Variants in GRID2 observed in about 807,000 individuals in gnomAD.
GRID2 encodes glutamate receptor ionotropic, delta-2.
In GRID2, 33 loss-of-function variants were observed where a neutral mutation model predicts 114.8. That is an observed-to-expected ratio of 0.29 (90% CI 0.22 to 0.38). GRID2 has a LOEUF of 0.38. Among genes scored for constraint, GRID2 ranks in the 10% least tolerant of loss-of-function variants. GRID2 has a pLI of 1.00. For synonymous variants in GRID2, 505 were observed against 449.9 expected (o/e 1.12, Z -1.55); for missense variants, 1,184 against 1,257.7 (o/e 0.94, Z 0.89).
chr4:93,360,030 G>A (rs185659120), intron 8 of GRID2, among the ~76,000 whole-genome samples: 16 of 151,262 alleles, frequency 1.1e-4, no homozygotes, highest in African/African-American at 2.7e-4. Context: ...GTCTTGACAC[G>A]TAAATCTTCT....
chr4:92,588,805 A>G (rs1728578992), intron 1 of GRID2, among the ~76,000 whole-genome samples: 1 of 152,042 alleles, frequency 6.6e-6, no homozygotes, highest in Admixed American at 6.6e-5. Context: ...CCATGCCAAT[A>G]TAAAAGAGCA....
At chr4:93,474,987 A>G (rs573200932) in intron 11 of GRID2, among the ~76,000 whole-genome samples, 22 of 152,170 alleles carry the variant, frequency 1.4e-4, no homozygotes, top group Admixed American at 6.6e-4. Context: ...CCTGAGTTTA[A>G]TAAGTTTTTT....
chr4:93,707,777 A>G (rs1339929118), intron 14 of GRID2, among the ~76,000 whole-genome samples: 1 of 151,356 alleles, frequency 6.6e-6, no homozygotes, highest in African/African-American at 2.4e-5. Context: ...AAGGTATATC[A>G]TTAGGTTATT....
At chr4:93,415,862 G>T (rs1767650825) in intron 9 of GRID2, among the ~76,000 whole-genome samples, 1 of 151,862 alleles carries the variant, frequency 6.6e-6, no homozygotes, top group African/African-American at 2.4e-5. Context: ...TGATATATAA[G>T]ATAATATAGA....
At chr4:93,660,370 G>C (rs1002341846) in intron 14 of GRID2, among the ~76,000 whole-genome samples, 1 of 152,096 alleles carries the variant, frequency 6.6e-6, no homozygotes, top group Non-Finnish European at 1.5e-5. Context: ...GGTGCTTGAA[G>C]TCAGAAAAAG....
At chr4:93,076,512 A>G (rs907346038) in intron 2 of GRID2, among the ~76,000 whole-genome samples, 2 of 151,952 alleles carry the variant, frequency 1.3e-5, no homozygotes, top group Admixed American at 1.3e-4. Context: ...TAATGTTAAC[A>G]TCTTATATAA....
chr4:93,266,159 C>A (rs1411770710), intron 8 of GRID2, among the ~76,000 whole-genome samples: 1 of 152,126 alleles, frequency 6.6e-6, no homozygotes, highest in Non-Finnish European at 1.5e-5. Context: ...TCAGAGAAAA[C>A]CCATGAGAGA....
chr4:93,558,288 G>T (rs1383991227), intron 13 of GRID2, among the ~76,000 whole-genome samples: 2 of 152,048 alleles, frequency 1.3e-5, no homozygotes, highest in African/African-American at 2.4e-5. Flanking sequence ...AAAAATCAAT[G>T]AATCCAGGAG....
At chr4:92,713,177 T>G (rs999147312) in intron 2 of GRID2, among the ~76,000 whole-genome samples, 1 of 150,536 alleles carries the variant, frequency 6.6e-6, no homozygotes, top group Non-Finnish European at 1.5e-5. Flanking sequence ...CCCCGGTATG[T>G]GATGTTCATA....
chr4:93,024,832 A>T (rs1723736997), intron 2 of GRID2, among the ~76,000 whole-genome samples: 1 of 151,796 alleles, frequency 6.6e-6, no homozygotes, highest in Non-Finnish European at 1.5e-5. Context: ...TTACATTAAC[A>T]TGGCATTATT....
intron 9 of GRID2, among the ~76,000 whole-genome samples, chr4:93,402,712 A>T (rs1766016686): frequency 6.6e-6 from 1 of 152,158 alleles, no homozygotes. Context: ...CCTACCACCG[A>T]AAACAAAAGC....
At chr4:92,626,132 G>C (rs1730509510) in intron 2 of GRID2, among the ~76,000 whole-genome samples, 1 of 151,888 alleles carries the variant, frequency 6.6e-6, no homozygotes, top group African/African-American at 2.4e-5. Context: ...ACTCATTTAA[G>C]TCCAACACCA....
At chr4:93,229,953 C>A (rs1009812757) in intron 7 of GRID2, among the ~76,000 whole-genome samples, 2 of 151,930 alleles carry the variant, frequency 1.3e-5, no homozygotes, top group Non-Finnish European at 2.9e-5. Context: ...AGCCCTGTGC[C>A]ATTGTTATTT....
At chr4:92,813,937 A>T (rs570642215) in intron 2 of GRID2, among the ~76,000 whole-genome samples, 26 of 152,220 alleles carry the variant, frequency 1.7e-4, no homozygotes, top group African/African-American at 5.8e-4. Context: ...TTACCCTGCC[A>T]GTTCTCTGTT....
intron 2 of GRID2, among the ~76,000 whole-genome samples, chr4:93,041,660 G>A (rs1361193094): frequency 6.6e-6 from 1 of 152,044 alleles, no homozygotes; most frequent in African/African-American, 2.4e-5. Flanking sequence ...AATATGAATG[G>A]CAAAAGACTA....
intron 1 of GRID2, among the ~76,000 whole-genome samples, chr4:93,803,253 G>A (rs1199132044): frequency 6.6e-6 from 1 of 152,144 alleles, no homozygotes; most frequent in Non-Finnish European, 1.5e-5. Flanking sequence ...ACTGTGACAT[G>A]TCAGTAATTA....
intron 2 of GRID2, among the ~76,000 whole-genome samples, chr4:92,855,483 T>G (rs537860246): frequency 2.0e-5 from 3 of 151,988 alleles, no homozygotes; most frequent in Non-Finnish European, 4.4e-5. Flanking sequence ...TTCTTTTTGT[T>G]ATTTGATTCT....
intron 2 of GRID2, among the ~76,000 whole-genome samples, chr4:92,898,597 A>C (rs1747340210): frequency 1.3e-5 from 2 of 152,154 alleles, no homozygotes; most frequent in Non-Finnish European, 2.9e-5. Flanking sequence ...TAATTGGATG[A>C]TTGCAGAAGA....
At chr4:92,516,521 T>C (rs979438303) in intron 1 of GRID2, among the ~76,000 whole-genome samples, 1 of 151,892 alleles carries the variant, frequency 6.6e-6, no homozygotes, top group East Asian at 1.9e-4. Context: ...TGATATCAGA[T>C]TGGAAGAAAG....
Sources: gnomAD v4.1 joint callset for allele counts (sites outside exome capture counted in the v4.1 genomes callset) on GRCh38, gnomAD v4.1.1 for gene constraint, MANE v1.5 for transcripts, NCBI Gene and HGNC (gene_info 2026-07-23, HGNC 2026-07-21) for gene names.